ESRRG: variants seen among roughly 807,000 people sequenced by gnomAD.
The protein encoded by ESRRG is estrogen-related receptor gamma.
A neutral mutation model predicts 44.0 loss-of-function variants in ESRRG; 13 were observed. That is an observed-to-expected ratio of 0.30 (90% CI 0.19 to 0.47). The LOEUF (loss-of-function observed/expected upper bound fraction) is 0.47, where lower values mean the gene tolerates loss of function less well. Ranked by LOEUF, ESRRG falls within the 20% of genes least tolerant of loss-of-function variation. ESRRG has a pLI of 1.00. For missense variants in ESRRG, 395 were observed against 580.6 expected, an observed-to-expected ratio of 0.68 and a Z score of 3.29; for synonymous variants, 215 against 214.6, an observed-to-expected ratio of 1.00 and a Z score of -0.02.
At chr1:216,589,498 A>G (rs1320653000) in intron 3 of ESRRG, among the ~76,000 whole-genome samples, 1 of 152,200 alleles carries the variant, frequency 6.6e-6, no homozygotes, top group African/African-American at 2.4e-5. Context: ...TAGAATGAAA[A>G]GACAAGGATT....
intron 1 of ESRRG, among the ~76,000 whole-genome samples, chr1:216,683,552 A>G (rs944189542): frequency 6.6e-6 from 1 of 152,230 alleles, no homozygotes; most frequent in Non-Finnish European, 1.5e-5. Flanking sequence ...GACAAGAGAT[A>G]GAGCTATGTA....
At position 217,001,488 on chromosome 1, in the gene ESRRG, C is replaced by T. The variant is rs570305661; in HGVS notation, c.-105-61815G>A. ...GAACACATATTCTGTCTCATGTTCACTGTTTTAGGTTTAAATAGGGTAGTG... is the reference window on the plus strand; with the variant it reads ...GAACACATATTCTGTCTCATGTTCATTGTTTTAGGTTTAAATAGGGTAGTG... On this transcript the variant is annotated intron_variant, in intron 1 of 7. Coordinates refer to the ESRRG transcript ENST00000359162. 3.6e-4 allele frequency among the ~76,000 whole-genome samples: 55 copies of T among 152,284 alleles called. 2 individuals carry two copies. In the South Asian group the frequency reaches 0.011, roughly 31 times the overall value.
chr1:216,508,535 C>T (rs1438617559), intron 6 of ESRRG, among the ~76,000 whole-genome samples: 3 of 152,092 alleles, frequency 2.0e-5, no homozygotes, highest in Admixed American at 1.3e-4. Context: ...TTCCCTGGAG[C>T]GGGACTCAAG....
chr1:217,128,588 T>C (rs2092920778), intron 1 of ESRRG, among the ~76,000 whole-genome samples: 1 of 152,146 alleles, frequency 6.6e-6, no homozygotes, highest in Admixed American at 6.5e-5. Flanking sequence ...TTGATAATGA[T>C]AATTTAAAAA....
chr1:216,600,772 C>T (rs868261050), intron 3 of ESRRG, among the ~76,000 whole-genome samples: 15 of 152,066 alleles, frequency 9.9e-5, no homozygotes, highest in African/African-American at 3.4e-4. Context: ...TCGTTTTCAC[C>T]CAGATTTCCG....
chr1:216,808,600 A>AT (rs1243846410), intron 2 of ESRRG, among the ~76,000 whole-genome samples: 7 of 151,896 alleles, frequency 4.6e-5, no homozygotes, highest in Non-Finnish European at 2.9e-5. Context: ...TAATTTTTGT[A>AT]TTTTTTGTAG....
chr1:216,522,789 T>C (rs1350999084), intron 5 of ESRRG, among the ~76,000 whole-genome samples: 1 of 152,190 alleles, frequency 6.6e-6, no homozygotes, highest in African/African-American at 2.4e-5. Flanking sequence ...TGAAAATGCA[T>C]GTTTTAATAA....
intron 5 of ESRRG, among the ~76,000 whole-genome samples, chr1:216,544,904 TTTTCTC>T (rs1260872060): frequency 2.0e-5 from 3 of 152,000 alleles, no homozygotes; most frequent in Non-Finnish European, 4.4e-5. Flanking sequence ...TTATGGGTGT[TTTTCTC>T]TTAAATGATT....
intron 1 of ESRRG, among the ~76,000 whole-genome samples, chr1:217,077,907 T>A (rs551842466): frequency 1.3e-5 from 2 of 152,304 alleles, no homozygotes; most frequent in South Asian, 4.1e-4. Context: ...ACAAGTCACA[T>A]CTAAATGCTA....
intron 2 of ESRRG, among the ~76,000 whole-genome samples, chr1:216,805,536 C>T (rs1245792018): frequency 3.9e-5 from 6 of 152,136 alleles, no homozygotes; most frequent in East Asian, 1.9e-4. Context: ...AAATTCCCTT[C>T]GTTGCCAATT....
intron 2 of ESRRG, among the ~76,000 whole-genome samples, chr1:216,908,831 G>GAA (rs5780943): frequency 1.1e-3 from 163 of 143,474 alleles, no homozygotes; most frequent in Admixed American, 1.5e-3. Context: ...CACACTCCTA[G>GAA]AAAAAAAAAA....
At chr1:216,532,364 C>G (rs1363611728) in intron 5 of ESRRG, among the ~76,000 whole-genome samples, 5 of 152,256 alleles carry the variant, frequency 3.3e-5, no homozygotes, top group African/African-American at 1.2e-4. Flanking sequence ...CTTGGTATCC[C>G]AGAGCTGCAC....
In ESRRG at chr1:217,053,310, C is replaced by T. The variant is rs113673481; in HGVS notation, c.-106+36197G>A. Among the ~76,000 whole-genome samples the T allele has an allele frequency of 4.5e-3, 680 of 151,872 alleles. 6 individuals are homozygous for T. The highest frequency in any genetic ancestry group is 0.016 in the African/African-American group (647 of 41,412). On this transcript the variant is annotated intron_variant, in intron 1 of 7. Transcript: ENST00000359162. ...TTTCTACTAAAAATACAAAAATTAGCCAGGCATAGTAGTAGGTGCCTGTAA... is the reference window on the plus strand; with the variant it reads ...TTTCTACTAAAAATACAAAAATTAGTCAGGCATAGTAGTAGGTGCCTGTAA...
chr1:217,126,320 T>C (rs2092889488), intron 1 of ESRRG, among the ~76,000 whole-genome samples: 1 of 152,216 alleles, frequency 6.6e-6, no homozygotes, highest in Non-Finnish European at 1.5e-5. Context: ...TGTTGTTCAA[T>C]AAATCAATAA....
intron 3 of ESRRG, among the ~76,000 whole-genome samples, chr1:216,587,254 G>A (rs1465146787): frequency 6.6e-6 from 1 of 152,124 alleles, no homozygotes; most frequent in African/African-American, 2.4e-5. Flanking sequence ...AAAATCTCTA[G>A]TGCATTTAGT....
intron 2 of ESRRG, among the ~76,000 whole-genome samples, chr1:216,754,702 C>CTT (rs202242433): frequency 1.1e-3 from 135 of 121,332 alleles, no homozygotes; most frequent in African/African-American, 1.8e-3. Flanking sequence ...AGAGAAAGAA[C>CTT]TTTTTTTTTT....
In ESRRG at chr1:217,086,758, A is replaced by G. The variant is rs375784895; in HGVS notation, c.-106+2749T>C. On this transcript the variant is annotated intron_variant, in intron 1 of 7. Coordinates refer to the ESRRG transcript ENST00000359162. Reference sequence around the variant, plus strand: ...CCCACATTTTTCCAACAATTTTGAAACAAATACAGAATTTCTATATTATAT... The same window carrying G: ...CCCACATTTTTCCAACAATTTTGAAGCAAATACAGAATTTCTATATTATAT... 1.2e-4 allele frequency among the ~76,000 whole-genome samples: 18 copies of G among 152,342 alleles called. No homozygotes were observed. The East Asian group carries it at 1.9e-3, about 16-fold the overall frequency.
chr1:216,962,526 C>G (rs2069315432), intron 1 of ESRRG, among the ~76,000 whole-genome samples: 2 of 151,978 alleles, frequency 1.3e-5, no homozygotes, highest in South Asian at 4.2e-4. Flanking sequence ...GTTGTCTCAT[C>G]CATTAGATGG....
At chr1:216,957,106 A>G (rs1387766080) in intron 1 of ESRRG, among the ~76,000 whole-genome samples, 2 of 152,202 alleles carry the variant, frequency 1.3e-5, no homozygotes, top group Non-Finnish European at 2.9e-5. Context: ...TCTTTGCTGA[A>G]CATTAGGAAT....
Sources: allele counts gnomAD v4.1 joint callset (sites outside exome capture counted in the v4.1 genomes callset), GRCh38; gene constraint gnomAD v4.1.1; transcripts MANE v1.5; gene names NCBI Gene and HGNC (gene_info 2026-07-23, HGNC 2026-07-21).